The following MCM3AP variants were observed in gnomAD, a reference collection of about 807,000 sequenced individuals.
MCM3AP encodes minichromosome maintenance complex component 3 associated protein.
A neutral mutation model predicts 184.1 loss-of-function variants in MCM3AP; 126 were observed. That is an observed-to-expected ratio of 0.68 (90% CI 0.59 to 0.79). MCM3AP has a LOEUF of 0.79. MCM3AP is among the 30% of genes least tolerant of loss of function. MCM3AP has a pLI of 0.00. For synonymous variants in MCM3AP, 1,002 were observed against 979.3 expected, an observed-to-expected ratio of 1.02 and a Z score of -0.43; for missense variants, 2,496 against 2,479.2, an observed-to-expected ratio of 1.01 and a Z score of -0.14.
At chr21:46,276,598 C>A (rs549422441) in intron 5 of MCM3AP, among the ~76,000 whole-genome samples, 1 of 151,960 alleles carries the variant, frequency 6.6e-6, no homozygotes, top group Non-Finnish European at 1.5e-5. Context: ...TGTGCCACCA[C>A]GCCCGGCTAA....
At position 46,284,281 on chromosome 21, in the gene MCM3AP, T is replaced by C. The variant is rs1376540762; in HGVS notation, c.1006A>G (p.Thr336Ala). 1 of 1,614,198 alleles carries C rather than the reference T, an allele frequency of 6.2e-7. No homozygotes were observed. The highest frequency in any genetic ancestry group is 1.7e-5 in the Admixed American group (1 of 60,026). The change falls in exon 1 of 28, where the codon ACT (threonine) becomes GCT (alanine). Residue 336 changes from threonine to alanine, a missense_variant. Thr to Ala is a moderately conservative substitution (Grantham distance 58, BLOSUM62 0). Around this residue, in one of 5 missense-constraint regions of MCM3AP, gnomAD observed 800 missense variants for 717.1 expected, o/e 1.12. Transcript: ENST00000291688. Reference sequence around the variant, plus strand: ...TCCTGTATCGTCCGACCAAATAAAGTACCTCCCCGGGGTCGATTCAGGCGG... The same window carrying C: ...TCCTGTATCGTCCGACCAAATAAAGCACCTCCCCGGGGTCGATTCAGGCGG... ...PVRLNRPRGG[T>A]LFGRTIQDVF...
At position 46,256,893 on chromosome 21, in the gene MCM3AP, C is replaced by T; in HGVS notation, c.3828G>A (p.Leu1276=). The change falls in exon 17 of 28, where the codon CTG becomes CTA. Residue 1276 remains leucine, a synonymous_variant. Coordinates refer to ENST00000291688, the MANE Select transcript of MCM3AP (RefSeq NM_003906.5). ...APCCVDVSDR[L]RALAPSAECP... Reference sequence around the variant, plus strand: ...ACTCTGCGCTGGGCGCCAGCGCCCTCAGCCGGTCGCTCACGTCCACGCAGC... The same window carrying T: ...ACTCTGCGCTGGGCGCCAGCGCCCTTAGCCGGTCGCTCACGTCCACGCAGC... The T allele has an allele frequency of 2.5e-6, 4 of 1,605,416 alleles. No homozygotes were observed. Among genetic ancestry groups the T allele is most frequent in the Non-Finnish European group, 3.4e-6 (4 of 1,176,200 alleles).
In MCM3AP at chr21:46,285,243, A is replaced by G. The variant is rs377751901; in HGVS notation, c.44T>C (p.Phe15Ser). The G allele has an allele frequency of 3.7e-6, 6 of 1,614,100 alleles. No individual in the cohort carries two copies. The African/African-American group carries it at 8.0e-5, about 22-fold the overall frequency. The change falls in exon 1 of 28, where the codon TTT (phenylalanine) becomes TCT (serine). Residue 15 changes from phenylalanine to serine, a missense_variant. Phe to Ser is a radical substitution (Grantham distance 155). This residue lies in a region of MCM3AP where 800 missense variants were observed against 717.1 expected (regional missense o/e 1.12). Transcript: ENST00000291688. ...NPFSGQQPSA[F>S]SASSSNVGTL... ...TCCTACATTACTAGAAGACGCCGAAAAAGCACTAGGCTGCTGCCCACTGAA... is the reference window on the plus strand; with the variant it reads ...TCCTACATTACTAGAAGACGCCGAAGAAGCACTAGGCTGCTGCCCACTGAA...
chr21:46,281,659 AAAAT>A (rs1326399448), intron 2 of MCM3AP, among the ~76,000 whole-genome samples: 3 of 152,156 alleles, frequency 2.0e-5, no homozygotes, highest in African/African-American at 4.8e-5. Flanking sequence ...TCATCTCAAA[AAAAT>A]AAATAAATAA....
intron 26 of MCM3AP, among the ~76,000 whole-genome samples, chr21:46,239,478 G>A (rs919626534): frequency 6.6e-6 from 1 of 152,232 alleles, no homozygotes; most frequent in Non-Finnish European, 1.5e-5. Flanking sequence ...GATGTGAGGG[G>A]ATGATTCCAA....
At chr21:46,252,036 T>C (rs576378766) in intron 19 of MCM3AP, 5 of 172,176 alleles carry the variant, frequency 2.9e-5, no homozygotes, top group South Asian at 1.4e-4. Flanking sequence ...TTTCCATTTT[T>C]TTTGTAGAGT....
At position 46,241,037 on chromosome 21, in the gene MCM3AP, A is replaced by G. The variant is rs926038555; in HGVS notation, c.5427-20T>C. On this transcript the variant is annotated intron_variant, in intron 25 of 27. Transcript: ENST00000291688. ...GCCAAACTGTAAGTACATGATTTGA[A>G]ATGTTTATGGTCAAGAGAAAATATT... is the stretch of plus-strand genomic sequence containing the variant. 12 of 1,560,254 alleles carry G rather than the reference A, an allele frequency of 7.7e-6. No homozygotes were observed. Among genetic ancestry groups the G allele is most frequent in the African/African-American group, 2.7e-5 (2 of 73,862 alleles).
rs1158067728 is a variant in MCM3AP, at chr21:46,285,182, T to C, written c.105A>G (p.Gln35=). The C allele has an allele frequency of 1.8e-5, 29 of 1,614,208 alleles. No individual in the cohort carries two copies. Among genetic ancestry groups the C allele is most frequent in the Admixed American group, 6.7e-5 (4 of 60,030 alleles). The change falls in exon 1 of 28, where the codon CAA becomes CAG. Residue 35 remains glutamine, a synonymous_variant. Transcript: ENST00000291688. ...LPSKPPFRFG[Q]PSLFGQNSTL... ...TACTGTTTTGTCCAAAAAGAGAAGG[T>C]TGACCAAATCGAAATGGCGGCTTAG...
intron 5 of MCM3AP, among the ~76,000 whole-genome samples, chr21:46,277,096 G>A (rs1181037139): frequency 2.6e-5 from 4 of 152,026 alleles, no homozygotes; most frequent in Non-Finnish European, 5.9e-5. Flanking sequence ...AAGTACCTGT[G>A]TTTTTTCCTT....
At chr21:46,247,418 C>T (rs987836474) in intron 20 of MCM3AP, among the ~76,000 whole-genome samples, 1 of 151,420 alleles carries the variant, frequency 6.6e-6, no homozygotes, top group Admixed American at 6.6e-5. Flanking sequence ...TGGAGTCTCA[C>T]TCTGTCGCCC....
At chr21:46,280,394 C>T (rs958602747) in intron 3 of MCM3AP, 103 bp downstream of exon 3, 34 of 938,986 alleles carry the variant, frequency 3.6e-5, no homozygotes, top group Non-Finnish European at 5.0e-5. Context: ...TGGCTCATGC[C>T]TGTAATCCCA....
intron 24 of MCM3AP, 179 bp from the exon 25 acceptor site, chr21:46,243,110 A>G: frequency 1.6e-6 from 1 of 625,866 alleles, no homozygotes; most frequent in Non-Finnish European, 2.7e-6. Context: ...TCACACAATT[A>G]TGTGACTTCC....
intron 13 of MCM3AP, among the ~76,000 whole-genome samples, chr21:46,261,638 CAGA>C (rs2081042806): frequency 6.7e-6 from 1 of 149,956 alleles, no homozygotes; most frequent in African/African-American, 2.5e-5. Context: ...GAGGCTGAGG[CAGA>C]AGAATTGCTC....
In MCM3AP at chr21:46,284,888, T is replaced by C; in HGVS notation, c.399A>G (p.Glu133=). The C allele has an allele frequency of 2.5e-6, 4 of 1,614,226 alleles. No individual in the cohort carries two copies. Among genetic ancestry groups the C allele is most frequent in the Non-Finnish European group, 3.4e-6 (4 of 1,180,038 alleles). Residue 133 remains glutamate (E), a synonymous_variant, in exon 1 of 28, where the codon GAA becomes GAG. Transcript: ENST00000291688. ...TTTTCCCAAAACCAGAGTTCACTAT[T>C]TCTCCAGCTTCTTGTCCAAAAGCAG... is the stretch of plus-strand genomic sequence containing the variant. ...STSAFGQEAG[E]IVNSGFGKTE...
Position 46,242,808 on chromosome 21 carries a change from T to C in MCM3AP, c.5420A>G (p.Glu1807Gly), listed in dbSNP as rs2080691574. 1 of 1,608,626 alleles carries C rather than the reference T, an allele frequency of 6.2e-7. No homozygotes were observed. The highest frequency in any genetic ancestry group is 8.5e-7 in the Non-Finnish European group (1 of 1,178,258). ...TACTGAACATGAACCTCACCGTCCC[T>C]CTCTCAGCTGTAGCTCCTTCTGCGT... The part of the protein sequence containing the change: ...LQTQKELQLR[E>G]GRLAIKPFHP... The change falls in exon 25 of 28, where the codon GAG becomes GGG. Residue 1807 changes from glutamate to glycine, a missense_variant. Glu to Gly is a moderately conservative substitution (Grantham distance 98). Coordinates refer to ENST00000291688, the MANE Select transcript of MCM3AP (RefSeq NM_003906.5).
intron 17 of MCM3AP, among the ~76,000 whole-genome samples, chr21:46,255,154 G>C (rs1363418854): frequency 6.6e-6 from 1 of 152,220 alleles, no homozygotes; most frequent in Non-Finnish European, 1.5e-5. Flanking sequence ...TGCCAGGTGG[G>C]GCTGGAGCCA....
chr21:46,271,892 A>G (rs867154453), intron 8 of MCM3AP, among the ~76,000 whole-genome samples: 2 of 151,880 alleles, frequency 1.3e-5, no homozygotes, highest in South Asian at 2.1e-4. Flanking sequence ...ATTAAAATCA[A>G]CCACACATCT....
chr21:46,256,072 GC>G (rs1194303557), intron 17 of MCM3AP, among the ~76,000 whole-genome samples: 2 of 152,180 alleles, frequency 1.3e-5, no homozygotes, highest in African/African-American at 4.8e-5. Flanking sequence ...ATGACATGAG[GC>G]CCCAGCGGTG....
chr21:46,257,474 C>CA (rs369556689), intron 16 of MCM3AP, among the ~76,000 whole-genome samples: 5,451 of 49,188 alleles, frequency 0.11, 427 homozygotes, highest in African/African-American at 0.19. Context: ...GGCTCCGTCT[C>CA]AAAAAAAAAA....
Sources: gnomAD v4.1 joint callset for allele counts (sites outside exome capture counted in the v4.1 genomes callset) on GRCh38, gnomAD v4.1.1 for gene constraint, gnomAD v4.1.1 regional missense constraint, MANE v1.5 for transcripts, NCBI Gene and HGNC (gene_info 2026-07-23, HGNC 2026-07-21) for gene names.